The following TEP1 variants were observed in gnomAD, a reference collection of about 807,000 sequenced individuals.
TEP1 encodes the protein telomerase associated protein 1, also known as telomerase protein component 1.
In TEP1, 241 loss-of-function variants were observed where a neutral mutation model predicts 306.3. The observed-to-expected ratio is 0.79, with a 90% CI of 0.71 to 0.88. The LOEUF (loss-of-function observed/expected upper bound fraction) is 0.88. TEP1 is among the 40% of genes least tolerant of loss of function. The pLI, the probability that TEP1 is intolerant of heterozygous loss-of-function variation, is 0.00. For synonymous variants in TEP1, 1,289 were observed against 1,305.5 expected, an observed-to-expected ratio of 0.99 and a Z score of 0.27; for missense variants, 3,051 against 3,276.1, an observed-to-expected ratio of 0.93 and a Z score of 1.68.
intron 9 of TEP1, among the ~76,000 whole-genome samples, chr14:20,398,423 G>T (rs969623957): frequency 6.6e-6 from 1 of 151,170 alleles, no homozygotes. Flanking sequence ...AGTTAATTTG[G>T]TTAATACTGA....
rs112024184 is a variant in TEP1, at chr14:20,368,764, G to GCACACA, written c.7761+28_7761+33dup. 0.012 allele frequency: 16,365 copies of GCACACA among 1,342,910 alleles called. 395 individuals carry two copies. The African/African-American group carries it at 0.12, about 10-fold the overall frequency. 83.2% of individuals were successfully genotyped at this position (1,342,910 alleles called of 1,614,324 possible). A position where few individuals can be genotyped will look rare whatever the true frequency, so the allele number is the denominator to read the frequency against. On this transcript the variant is annotated intron_variant, in intron 54 of 54. Transcript: ENST00000262715. The stretch of plus-strand genomic sequence containing the variant: ...CTTTGGGATAGGTGTGCAGGCGCAC[G>GCACACA]CACACACACACACACACACACACAC...
At chr14:20,404,497 T>C (rs17111211) in intron 5 of TEP1, 114 bp downstream of exon 5, 33,968 of 1,342,962 alleles carry the variant, frequency 0.025, 2,228 homozygotes, top group African/African-American at 0.24. Context: ...TGGGCACCAA[T>C]GCTGAGGAAA....
intron 1 of TEP1, among the ~76,000 whole-genome samples, chr14:20,412,680 C>CTTTTTTT (rs10717377): frequency 9.5e-6 from 1 of 105,434 alleles, no homozygotes; most frequent in Non-Finnish European, 1.9e-5. Context: ...TCACTCTTTC[C>CTTTTTTT]TTTTTTTTTT....
chr14:20,378,428 C>T lies in TEP1; in HGVS notation c.5460G>A (p.Trp1820Ter). The T allele has an allele frequency of 1.2e-6, 2 of 1,614,206 alleles. No individual in the cohort carries two copies. The highest frequency in any genetic ancestry group is 2.2e-5 in the East Asian group (1 of 44,890). Reference protein sequence around the residue: ...PEGQVIATGSWAGSISFFQVD... With the variant: ...PEGQVIATGS ...CCTGGAAGAAGCTGATGCTGCCAGC[C>T]CAGCTGCCTGTGGCTATTACCTGCC... Residue 1820 changes from tryptophan (W) to a stop codon, truncating the protein, a stop_gained, in exon 38 of 55, where the codon TGG becomes TGA. Transcript: ENST00000262715. LOFTEE classifies it high-confidence loss of function.
chr14:20,379,207 C>T, intron 35 of TEP1, 102 bp from the exon 36 acceptor site: 7 of 1,466,324 alleles, frequency 4.8e-6, no homozygotes, highest in Non-Finnish European at 6.5e-6. Context: ...GCACAAAGGC[C>T]ATGAGTCCTT....
Position 20,383,345 on chromosome 14 carries a change from G to A in TEP1, c.3876C>T (p.His1292=). ...CATCACTAGACACACTCAGCACCAG[G>A]TGTACACACTGTGATATTTGGGCAA... ...WIPKKLPRCV[H]LVLSVSSDAG... The change falls in exon 27 of 55, where the codon CAC becomes CAT. Residue 1292 remains histidine, a synonymous_variant. Coordinates refer to ENST00000262715, the MANE Select transcript of TEP1 (RefSeq NM_007110.5). 2 of 1,605,810 alleles carry A rather than the reference G, an allele frequency of 1.2e-6. No individual in the cohort carries two copies. The highest frequency in any genetic ancestry group is 8.5e-7 in the Non-Finnish European group (1 of 1,175,518).
At chr14:20,406,646 A>G (rs559133860) in intron 2 of TEP1, among the ~76,000 whole-genome samples, 4 of 152,256 alleles carry the variant, frequency 2.6e-5, no homozygotes, top group African/African-American at 9.6e-5. Flanking sequence ...CCCTGCTTTC[A>G]TCTCTTCATT....
rs776851851 is a variant in TEP1, at chr14:20,406,258, G to A, written c.710C>T (p.Thr237Ile). The change falls in exon 3 of 55, where the codon ACT becomes ATT. Residue 237 changes from threonine to isoleucine, a missense_variant. Around this residue, in one of 3 missense-constraint regions of TEP1, gnomAD observed 1,507 missense variants for 1,550.5 expected, o/e 0.97. Transcript: ENST00000262715. ...SGDSESHPEP[T>I]DHVLQEKKMA... ...CTTCTTTTCCTGAAGGACATGGTCA[G>A]TAGGCTCTGGATGAGATTCAGAGTC... The A allele has an allele frequency of 1.6e-4, 251 of 1,613,914 alleles. No homozygotes were observed. The highest frequency in any genetic ancestry group is 2.1e-4 in the Non-Finnish European group (247 of 1,180,020).
At chr14:20,395,727 G>T (rs1391197345) in intron 11 of TEP1, 100 bp from the exon 12 acceptor site, 1 of 1,512,328 alleles carries the variant, frequency 6.6e-7, no homozygotes, top group African/African-American at 1.4e-5. Flanking sequence ...GGGCTGGCAA[G>T]TGCCTGACCT....
intron 18 of TEP1, 39 bp from the exon 19 acceptor site, chr14:20,386,662 A>C: frequency 6.6e-7 from 1 of 1,523,726 alleles, no homozygotes; most frequent in Non-Finnish European, 8.8e-7. Context: ...TCTAGGGATG[A>C]TTCCCACCCC....
chr14:20,369,301 C>T (rs1412393659), intron 53 of TEP1, 43 bp downstream of exon 53: 2 of 1,607,396 alleles, frequency 1.2e-6, no homozygotes, highest in African/African-American at 2.7e-5. Context: ...AGCCACTGCT[C>T]CCAGCCCTCC....
chr14:20,406,276 TCAGAGTCTC>T lies in TEP1; in HGVS notation c.683_691del (p.Gly228_Ser230del), dbSNP rs2139196938. On this transcript the variant is annotated inframe_deletion, in exon 3 of 55. Transcript: ENST00000262715. ...ATGGTCAGTAGGCTCTGGATGAGAT[TCAGAGTCTC>T]CAGAGGTGAGCTTCACGGCCAGATC... 1.2e-6 allele frequency: 2 copies of T among 1,614,112 alleles called. No homozygotes were observed. Among genetic ancestry groups the T allele is most frequent in the Non-Finnish European group, 1.7e-6 (2 of 1,180,022 alleles).
Position 20,381,986 on chromosome 14 carries a change from C to A in TEP1, c.4351G>T (p.Ala1451Ser). 1 of 1,614,184 alleles carries A rather than the reference C, an allele frequency of 6.2e-7. No homozygotes were observed. The highest frequency in any genetic ancestry group is 8.5e-7 in the Non-Finnish European group (1 of 1,180,032). The change falls in exon 30 of 55, where the codon GCA becomes TCA. Residue 1451 changes from alanine (A) to serine (S), a missense_variant. Physicochemically the swap from Ala to Ser is moderately conservative, Grantham distance 99. Transcript: ENST00000262715. This position sits in a 1 kb window ranked among gnomAD's most constrained non-coding sequence, Gnocchi z 4.0. ...TCTCCACTGTTACCAGCAGCCACTG[C>A]TTCTTCCCAGCTCTTAGTCCCCTTC... Reference protein sequence around the residue: ...LPKGTKSWEEAVAAGNSGDPY... With the variant: ...LPKGTKSWEESVAAGNSGDPY...
Position 20,380,068 on chromosome 14 carries a change from G to A in TEP1, c.5004-15C>T, listed in dbSNP as rs1331602700. The A allele has an allele frequency of 4.4e-6, 7 of 1,606,140 alleles. No individual in the cohort carries two copies. Among genetic ancestry groups the A allele is most frequent in the African/African-American group, 1.3e-5 (1 of 74,490 alleles). The stretch of plus-strand genomic sequence containing the variant: ...ACAGGCTGGAGCTAGAGAAAGAGTA[G>A]GAAGAAAGGGAGGAAATAAACGAGA... On this transcript the variant is annotated splice_polypyrimidine_tract_variant and intron_variant, in intron 34 of 54. Transcript: ENST00000262715.
Position 20,384,423 on chromosome 14 carries a change from C to T in TEP1, c.3307G>A (p.Val1103Ile), listed in dbSNP as rs767809211. 7 of 1,614,052 alleles carry T rather than the reference C, an allele frequency of 4.3e-6. No individual in the cohort carries two copies. In the South Asian group the frequency reaches 5.5e-5, roughly 13 times the overall value. The change falls in exon 23 of 55, where the codon GTA (valine) becomes ATA (isoleucine). Residue 1103 changes from valine to isoleucine, a missense_variant. This residue lies in a region of TEP1 where 1,507 missense variants were observed against 1,550.5 expected (regional missense o/e 0.97). Transcript: ENST00000262715. The stretch of plus-strand genomic sequence containing the variant: ...TAGAGCTTCTGGATCATATTCCATA[C>T]ATCCTGCAGAACCAACTGCCCAAAC... ...EEFGQLVLQD[V>I]WNMIQKLYLQ... is the part of the protein sequence containing the mutation.
At chr14:20,395,238 G>T (rs1347064807) in intron 12 of TEP1, among the ~76,000 whole-genome samples, 1 of 152,294 alleles carries the variant, frequency 6.6e-6, no homozygotes, top group East Asian at 1.9e-4. Context: ...TAATAGAGTG[G>T]AGGTCCAGGA....
At chr14:20,371,360 G>A (rs766969087) in intron 50 of TEP1, 46 bp from the exon 51 acceptor site, 11 of 1,600,664 alleles carry the variant, frequency 6.9e-6, no homozygotes, top group Non-Finnish European at 7.7e-6. Flanking sequence ...TTTAAAGAGA[G>A]GTAAAGAGAA....
intron 1 of TEP1, among the ~76,000 whole-genome samples, chr14:20,409,753 G>C (rs1252639021): frequency 3.3e-5 from 5 of 152,168 alleles, no homozygotes; most frequent in African/African-American, 1.2e-4. Flanking sequence ...GGGCGCGGTG[G>C]CTCACGCCTG....
chr14:20,382,121 C>T, intron 29 of TEP1, 58 bp from the exon 30 acceptor site: 1 of 1,610,794 alleles, frequency 6.2e-7, no homozygotes, highest in Admixed American at 1.7e-5. Flanking sequence ...CCGCCCCCAC[C>T]ACACCCAGTC....
Sources: allele counts gnomAD v4.1 joint callset (sites outside exome capture counted in the v4.1 genomes callset), GRCh38; gene constraint gnomAD v4.1.1; regional missense constraint gnomAD v4.1.1; non-coding constraint Gnocchi (gnomAD v3.1); transcripts MANE v1.5; gene names NCBI Gene and HGNC (gene_info 2026-07-23, HGNC 2026-07-21).